The following ADD3 variants were observed in gnomAD, a reference collection of about 807,000 sequenced individuals.
The protein encoded by ADD3 is adducin 3, also known as gamma-adducin.
ADD3 carries 25 observed loss-of-function variants against 80.2 expected under a neutral mutation model. The observed-to-expected ratio is 0.31, with a 90% confidence interval of 0.23 to 0.44. ADD3 has a LOEUF of 0.44. ADD3 is among the 20% of genes least tolerant of loss of function. ADD3 has a pLI of 1.00. For synonymous variants in ADD3, 284 were observed against 289.6 expected (o/e 0.98, Z 0.20); for missense variants, 829 against 847.5 (o/e 0.98, Z 0.27).
At chr10:110,029,401 C>T (rs970062416) in intron 1 of ADD3, among the ~76,000 whole-genome samples, 1 of 152,094 alleles carries the variant, frequency 6.6e-6, no homozygotes, top group Non-Finnish European at 1.5e-5. Flanking sequence ...GTTCTTCTTC[C>T]GGCATTAACA....
intron 1 of ADD3, among the ~76,000 whole-genome samples, chr10:110,088,545 C>T (rs1032448209): frequency 2.0e-5 from 3 of 152,148 alleles, no homozygotes; most frequent in Non-Finnish European, 2.9e-5. Context: ...TTGAAATGTT[C>T]CTTAGCAGCC....
At chr10:110,008,713 T>C (rs1851956875) in intron 1 of ADD3, among the ~76,000 whole-genome samples, 1 of 152,210 alleles carries the variant, frequency 6.6e-6, no homozygotes, top group African/African-American at 2.4e-5. Context: ...GAGAGGTTCC[T>C]GCGCTTAGAA....
chr10:110,018,912 C>G (rs1369006703), intron 1 of ADD3, among the ~76,000 whole-genome samples: 1 of 152,082 alleles, frequency 6.6e-6, no homozygotes, highest in Non-Finnish European at 1.5e-5. Context: ...ATGAAAATTC[C>G]TGCTTTTATA....
intron 1 of ADD3, among the ~76,000 whole-genome samples, chr10:110,009,451 G>A (rs1446079467): frequency 2.6e-5 from 4 of 152,098 alleles, no homozygotes; most frequent in African/African-American, 7.2e-5. Context: ...AGAGTACAGT[G>A]CAATTTGTCG....
At chr10:110,033,808 G>C (rs1434020541) in intron 1 of ADD3, among the ~76,000 whole-genome samples, 3 of 152,062 alleles carry the variant, frequency 2.0e-5, no homozygotes, top group Non-Finnish European at 4.4e-5. Context: ...TTGAATCTCT[G>C]GGACCGTAAT....
At chr10:110,122,371 T>G in intron 9 of ADD3, 79 bp downstream of exon 9, 2 of 1,279,742 alleles carry the variant, frequency 1.6e-6, no homozygotes, top group Non-Finnish European at 2.2e-6. Context: ...TTGTAGAACA[T>G]GCTCCATACT....
In ADD3 at chr10:110,062,200, TAAAAAAAAAAAAAAAAAAAAAA is replaced by T. The variant is rs57540485; in HGVS notation, c.-29-38409_-29-38388del. Among the ~76,000 whole-genome samples, 12 of 35,234 alleles carry T rather than the reference TAAAAAAAAAAAAAAAAAAAAAA, an allele frequency of 3.4e-4. 2 individuals carry two copies. The highest frequency in any genetic ancestry group is 1.5e-3 in the Admixed American group (3 of 1,948). 23.1% of individuals were successfully genotyped at this position (35,234 alleles called of 152,430 possible). ...GAACATGGAGAAACACTGTCTCTAC[TAAAAAAAAAAAAAAAAAAAAAA>T]AAAAAAAAAAAAAAATACTAAGTTA... On this transcript the variant is annotated intron_variant, in intron 1 of 14. Transcript: ENST00000356080.
chr10:110,129,998 C>T (rs553706060), intron 12 of ADD3, among the ~76,000 whole-genome samples: 108 of 152,180 alleles, frequency 7.1e-4, no homozygotes, highest in African/African-American at 2.5e-3. Flanking sequence ...GGTACAGTTT[C>T]ATTTCTGTAA....
At chr10:110,038,837 CATT>C (rs1296317547) in intron 1 of ADD3, among the ~76,000 whole-genome samples, 2 of 152,102 alleles carry the variant, frequency 1.3e-5, no homozygotes, top group African/African-American at 4.8e-5. Context: ...TAACTACACA[CATT>C]ATACAACATT....
Position 110,126,467 on chromosome 10 carries a change from G to C in ADD3, c.1572G>C (p.Gln524His). 1 of 1,613,684 alleles carries C rather than the reference G, an allele frequency of 6.2e-7. No homozygotes were observed. Among genetic ancestry groups the C allele is most frequent in the South Asian group, 1.1e-5 (1 of 91,078 alleles). Residue 524 changes from glutamine to histidine, a missense_variant, in exon 12 of 15, where the codon CAG (glutamine) becomes CAC (histidine). Physicochemically the swap from Gln to His is conservative, Grantham distance 24 (BLOSUM62 0). Coordinates refer to ENST00000356080, the MANE Select transcript of ADD3 (RefSeq NM_016824.5). ...TGAAAACAGCAGGACCACAATCTCA[G>C]TTGCTTGCTGGAATTGTTGTGGATA... ...YDLKTAGPQSQLLAGIVVDKP... is the reference protein window; with the variant it reads ...YDLKTAGPQSHLLAGIVVDKP...
intron 1 of ADD3, among the ~76,000 whole-genome samples, chr10:110,090,284 A>G (rs1299269198): frequency 1.5e-5 from 2 of 136,050 alleles, no homozygotes; most frequent in East Asian, 4.4e-4. Context: ...CAGTGGCGTG[A>G]TCTCAGCTCA....
In ADD3 at chr10:110,119,239, C is replaced by T; in HGVS notation, c.746C>T (p.Pro249Leu). 1.2e-6 allele frequency: 2 copies of T among 1,614,136 alleles called. No homozygotes were observed. Among genetic ancestry groups the T allele is most frequent in the South Asian group, 1.1e-5 (1 of 91,082 alleles). Reference sequence around the variant, plus strand: ...TCCTCCATGAAATGTGGGATCCTTCCAATTTCTCAAGAGTCTCTTCTTCTG... The same window carrying T: ...TCCTCCATGAAATGTGGGATCCTTCTAATTTCTCAAGAGTCTCTTCTTCTG... ...AVSSMKCGIL[P>L]ISQESLLLGD... The change falls in exon 7 of 15, where the codon CCA becomes CTA. Residue 249 changes from proline (P) to leucine (L), a missense_variant. Transcript: ENST00000356080.
intron 1 of ADD3, among the ~76,000 whole-genome samples, chr10:110,083,340 C>A (rs2133793015): frequency 6.6e-6 from 1 of 152,112 alleles, no homozygotes; most frequent in East Asian, 1.9e-4. Context: ...CACGGTGAAA[C>A]CCCGTCTCTA....
At chr10:110,027,674 C>G (rs1292507346) in intron 1 of ADD3, among the ~76,000 whole-genome samples, 1 of 152,120 alleles carries the variant, frequency 6.6e-6, no homozygotes, top group South Asian at 2.1e-4. Flanking sequence ...TCTCTTTTAT[C>G]CCACCTCAGG....
chr10:109,996,903 T>C (rs1426204505), intron 1 of ADD3, among the ~76,000 whole-genome samples: 2 of 152,254 alleles, frequency 1.3e-5, no homozygotes, highest in Non-Finnish European at 2.9e-5. Flanking sequence ...CTATCATACA[T>C]TTACACTTTA....
At chr10:110,132,940 A>G (rs1273460574) in intron 14 of ADD3, among the ~76,000 whole-genome samples, 1 of 151,860 alleles carries the variant, frequency 6.6e-6, no homozygotes, top group South Asian at 2.1e-4. Flanking sequence ...AAAAAAAAAA[A>G]AAAAAAGAAT....
intron 1 of ADD3, among the ~76,000 whole-genome samples, chr10:110,055,803 A>T (rs1007235609): frequency 6.6e-6 from 1 of 152,254 alleles, no homozygotes; most frequent in African/African-American, 2.4e-5. Context: ...TGAAGGATGT[A>T]AAAGTGCATT....
At chr10:110,038,502 A>G (rs527337830) in intron 1 of ADD3, among the ~76,000 whole-genome samples, 75 of 152,348 alleles carry the variant, frequency 4.9e-4, no homozygotes, top group African/African-American at 1.8e-3. Flanking sequence ...ATTAAGTACT[A>G]TTAGAATATT....
chr10:110,073,918 CTT>C (rs113294116), intron 1 of ADD3, among the ~76,000 whole-genome samples: 3 of 146,134 alleles, frequency 2.1e-5, no homozygotes, highest in Non-Finnish European at 3.0e-5. Context: ...TTAGACAGAC[CTT>C]TTTTTTTTTT....
Sources: gnomAD v4.1 joint callset for allele counts (sites outside exome capture counted in the v4.1 genomes callset) on GRCh38, gnomAD v4.1.1 for gene constraint, MANE v1.5 for transcripts, NCBI Gene and HGNC (gene_info 2026-07-23, HGNC 2026-07-21) for gene names.